Variants in RPRD2 observed in about 807,000 individuals in gnomAD.
RPRD2 encodes the protein regulation of nuclear pre-mRNA domain-containing protein 2.
Under a neutral mutation model 104.4 loss-of-function variants are expected in RPRD2, and 12 were observed. The observed-to-expected ratio is 0.11, with a 90% CI of 0.07 to 0.19. The LOEUF (loss-of-function observed/expected upper bound fraction) is 0.19, where lower values mean the gene tolerates loss of function less well. Among genes scored for constraint, RPRD2 ranks in the 10% least tolerant of loss-of-function variants. RPRD2 has a pLI of 1.00. For missense variants in RPRD2, 1,543 were observed against 1,790.1 expected, an observed-to-expected ratio of 0.86 and a Z score of 2.49; for synonymous variants, 714 against 684.9, an observed-to-expected ratio of 1.04 and a Z score of -0.66.
chr1:150,433,408 CTA>C (rs1176942157), intron 2 of RPRD2, among the ~76,000 whole-genome samples: 1 of 122,852 alleles, frequency 8.1e-6, no homozygotes, highest in Non-Finnish European at 1.8e-5. Flanking sequence ...TATATATATA[CTA>C]TATATACACA....
chr1:150,427,783 A>G (rs1665256833), intron 2 of RPRD2, among the ~76,000 whole-genome samples: 1 of 152,174 alleles, frequency 6.6e-6, no homozygotes, highest in Non-Finnish European at 1.5e-5. Context: ...TGGGTGACAT[A>G]GCGAGTCTCT....
intron 1 of RPRD2, among the ~76,000 whole-genome samples, chr1:150,388,358 A>ATATATACATGTATATACG (rs1553882378): frequency 9.0e-6 from 1 of 110,598 alleles, no homozygotes; most frequent in Non-Finnish European, 2.0e-5. Flanking sequence ...ACACATATAC[A>ATATATACATGTATATACG]TATATACATG....
At chr1:150,413,491 T>C (rs1664095696) in intron 1 of RPRD2, among the ~76,000 whole-genome samples, 1 of 152,110 alleles carries the variant, frequency 6.6e-6, no homozygotes, top group Admixed American at 6.6e-5. Context: ...TAATCCCAGC[T>C]ACTCAGGAGG....
intron 1 of RPRD2, among the ~76,000 whole-genome samples, chr1:150,404,153 G>A (rs1663284356): frequency 6.6e-6 from 1 of 152,170 alleles, no homozygotes; most frequent in Admixed American, 6.5e-5. Flanking sequence ...GTGTGATTAT[G>A]TGTTTGTGTT....
intron 1 of RPRD2, among the ~76,000 whole-genome samples, chr1:150,395,435 T>C (rs1553884019): frequency 6.6e-6 from 1 of 151,060 alleles, no homozygotes; most frequent in African/African-American, 2.4e-5. Flanking sequence ...CTTTACCCAT[T>C]GACTGATGGG....
chr1:150,445,044 G>C (rs1553895297), intron 6 of RPRD2, among the ~76,000 whole-genome samples: 1 of 152,110 alleles, frequency 6.6e-6, no homozygotes, highest in Non-Finnish European at 1.5e-5. Context: ...AAACATTAAT[G>C]AGCTTGGTGG....
chr1:150,463,153 G>A (rs1553899189), intron 9 of RPRD2, among the ~76,000 whole-genome samples: 2 of 152,026 alleles, frequency 1.3e-5, no homozygotes, highest in Non-Finnish European at 2.9e-5. Flanking sequence ...ACTGCACCCA[G>A]CCCGAAATTT....
intron 1 of RPRD2, among the ~76,000 whole-genome samples, chr1:150,378,664 T>C (rs1660896342): frequency 1.3e-5 from 2 of 152,274 alleles, no homozygotes; most frequent in South Asian, 4.1e-4. Flanking sequence ...TTTTACAAAA[T>C]ATAGTTATTT....
At chr1:150,440,365 G>A (rs587594296) in intron 2 of RPRD2, among the ~76,000 whole-genome samples, 44 of 152,228 alleles carry the variant, frequency 2.9e-4, no homozygotes, top group African/African-American at 7.7e-4. Context: ...ACTGTGCCCA[G>A]CCAACATTGT....
At chr1:150,401,106 GGTGGAGCTTGCA>G (rs1553885262) in intron 1 of RPRD2, among the ~76,000 whole-genome samples, 1 of 152,082 alleles carries the variant, frequency 6.6e-6, no homozygotes, top group Non-Finnish European at 1.5e-5. Context: ...AACCCGGGAA[GGTGGAGCTTGCA>G]GTGAGCCGAG....
chr1:150,468,237 C>T (rs912192569), intron 10 of RPRD2, among the ~76,000 whole-genome samples: 3 of 151,980 alleles, frequency 2.0e-5, no homozygotes, highest in Non-Finnish European at 2.9e-5. Context: ...TGCCTGTAAT[C>T]CTAACACTTT....
intron 2 of RPRD2, among the ~76,000 whole-genome samples, chr1:150,437,354 G>C (rs1553893401): frequency 1.3e-5 from 2 of 152,062 alleles, no homozygotes; most frequent in African/African-American, 4.8e-5. Flanking sequence ...ATATTAGCTG[G>C]GTGTGGTGGT....
In RPRD2 at chr1:150,399,252, C is replaced by T. The variant is rs191854202; in HGVS notation, c.206-18344C>T. Among the ~76,000 whole-genome samples the T allele has an allele frequency of 1.4e-4, 21 of 152,232 alleles. No homozygotes were observed. In the East Asian group the frequency reaches 4.1e-3, roughly 29 times the overall value. On this transcript the variant is annotated intron_variant, in intron 1 of 10. Coordinates refer to ENST00000369068, the MANE Select transcript of RPRD2 (RefSeq NM_015203.5). ...CTCCTGGGCTCAAGCAATCCTCCCA[C>T]CTTGGCCTCCCAAAGTGCTGGGATT...
chr1:150,407,568 A>G (rs1663574451), intron 1 of RPRD2, among the ~76,000 whole-genome samples: 2 of 152,208 alleles, frequency 1.3e-5, no homozygotes, highest in Admixed American at 6.5e-5. Flanking sequence ...TTTGAATGAT[A>G]ATGTACTCAT....
At chr1:150,416,888 A>C (rs945659845) in intron 1 of RPRD2, among the ~76,000 whole-genome samples, 3 of 151,066 alleles carry the variant, frequency 2.0e-5, no homozygotes, top group East Asian at 1.9e-4. Flanking sequence ...AAAAAAAAAA[A>C]AAACAAAAAG....
chr1:150,470,414 G>T, intron 10 of RPRD2, 147 bp from the exon 11 acceptor site: 1 of 722,718 alleles, frequency 1.4e-6, no homozygotes. Flanking sequence ...TTTAGCCATT[G>T]CTTGTTTGGT....
At chr1:150,428,893 G>A (rs1433411265) in intron 2 of RPRD2, among the ~76,000 whole-genome samples, 5 of 152,042 alleles carry the variant, frequency 3.3e-5, no homozygotes, top group Non-Finnish European at 5.9e-5. Context: ...GAGTAAGGGG[G>A]GGTGTCATTA....
chr1:150,405,040 T>C (rs12089303), intron 1 of RPRD2, among the ~76,000 whole-genome samples: 56 of 152,292 alleles, frequency 3.7e-4, no homozygotes, highest in African/African-American at 1.2e-3. Flanking sequence ...TTTTGTCAAG[T>C]ATTGCTGAGG....
At chr1:150,365,134 T>G (rs1659736512) in intron 1 of RPRD2, among the ~76,000 whole-genome samples, 2 of 152,238 alleles carry the variant, frequency 1.3e-5, no homozygotes, top group African/African-American at 4.8e-5. Flanking sequence ...AGCCATTGAA[T>G]TGTTGTGACC....
Sources: gnomAD v4.1 joint callset for allele counts (sites outside exome capture counted in the v4.1 genomes callset) on GRCh38, gnomAD v4.1.1 for gene constraint, MANE v1.5 for transcripts, NCBI Gene and HGNC (gene_info 2026-07-23, HGNC 2026-07-21) for gene names.